The following GRID2 variants were observed in gnomAD, a reference collection of about 807,000 sequenced individuals.
GRID2 encodes the protein glutamate ionotropic receptor delta type subunit 2.
A neutral mutation model predicts 114.8 loss-of-function variants in GRID2; 33 were observed. The ratio of observed to expected loss-of-function variants is 0.29; its 90% CI spans 0.22 to 0.38. The LOEUF (loss-of-function observed/expected upper bound fraction) is 0.38, where lower values mean the gene tolerates loss of function less well. GRID2 is among the 10% of genes least tolerant of loss of function. The pLI is 1.00. For synonymous variants in GRID2, 505 were observed against 449.9 expected (o/e 1.12, Z -1.55); for missense variants, 1,184 against 1,257.7 (o/e 0.94, Z 0.89).
intron 14 of GRID2, among the ~76,000 whole-genome samples, chr4:93,728,001 T>C (rs1367510538): frequency 6.6e-6 from 1 of 152,198 alleles, no homozygotes; most frequent in African/African-American, 2.4e-5. Context: ...TCTGCTCTGA[T>C]CTTAGTTATT....
intron 2 of GRID2, among the ~76,000 whole-genome samples, chr4:93,069,835 A>T (rs1728656939): frequency 6.6e-6 from 1 of 152,136 alleles, no homozygotes; most frequent in African/African-American, 2.4e-5. Context: ...CTAAAAATCA[A>T]GATTCCTCAC....
chr4:93,220,240 A>T (rs1002102071), intron 6 of GRID2, among the ~76,000 whole-genome samples: 7 of 151,528 alleles, frequency 4.6e-5, no homozygotes, highest in African/African-American at 7.2e-5. Flanking sequence ...GCCTTTATTT[A>T]TATATATATA....
chr4:93,014,511 A>G (rs753062602), intron 2 of GRID2, among the ~76,000 whole-genome samples: 2 of 152,154 alleles, frequency 1.3e-5, no homozygotes, highest in South Asian at 4.1e-4. Context: ...CATAGAGACA[A>G]TCCAGGCCCC....
At chr4:93,659,298 C>T (rs570154132) in intron 14 of GRID2, among the ~76,000 whole-genome samples, 1 of 152,262 alleles carries the variant, frequency 6.6e-6, no homozygotes, top group Non-Finnish European at 1.5e-5. Context: ...AGGTCTCACA[C>T]TTATGGGTGC....
chr4:93,666,166 A>G (rs1360068211), intron 14 of GRID2, among the ~76,000 whole-genome samples: 1 of 152,062 alleles, frequency 6.6e-6, no homozygotes, highest in East Asian at 1.9e-4. Context: ...TTTATCTGCT[A>G]TGTCTTCATT....
At chr4:93,201,528 T>G (rs1742105116) in intron 4 of GRID2, among the ~76,000 whole-genome samples, 2 of 152,192 alleles carry the variant, frequency 1.3e-5, no homozygotes, top group Admixed American at 1.3e-4. Context: ...ACCTGATATC[T>G]TTGCTGCTAC....
chr4:93,042,293 C>CTATATA (rs1328403469), intron 2 of GRID2, among the ~76,000 whole-genome samples: 29 of 86,510 alleles, frequency 3.4e-4, no homozygotes, highest in Non-Finnish European at 9.5e-5. Context: ...CTCTCTCTCT[C>CTATATA]TCTCTCTATA....
intron 1 of GRID2, among the ~76,000 whole-genome samples, chr4:92,578,999 T>C (rs2149200575): frequency 1.3e-5 from 2 of 152,228 alleles, no homozygotes; most frequent in Middle Eastern, 6.8e-3. Context: ...AACTTGTTTC[T>C]TTTTTATTTA....
At chr4:92,661,632 C>G (rs947748974) in intron 2 of GRID2, among the ~76,000 whole-genome samples, 23 of 150,864 alleles carry the variant, frequency 1.5e-4, no homozygotes, top group Middle Eastern at 3.4e-3. Flanking sequence ...CAAATCATAC[C>G]TGATTGATTA....
chr4:92,616,185 A>G (rs1729996325), intron 2 of GRID2, among the ~76,000 whole-genome samples: 1 of 151,634 alleles, frequency 6.6e-6, no homozygotes, highest in African/African-American at 2.4e-5. Context: ...AGATTCTCTC[A>G]GTATTTTAAA....
At chr4:92,330,241 C>T (rs945515216) in intron 1 of GRID2, among the ~76,000 whole-genome samples, 1 of 152,076 alleles carries the variant, frequency 6.6e-6, no homozygotes, top group Non-Finnish European at 1.5e-5. Flanking sequence ...TTCTCACACC[C>T]TCCGTTTTTT....
At chr4:92,469,761 A>T in intron 1 of GRID2, among the ~76,000 whole-genome samples, 1 of 151,528 alleles carries the variant, frequency 6.6e-6, no homozygotes, top group African/African-American at 2.4e-5. Flanking sequence ...AAGTTTCATA[A>T]TTTTTTTTTC....
In GRID2 at chr4:93,165,640, T is replaced by C. The variant is rs867246810; in HGVS notation, c.736-41764T>C. Among the ~76,000 whole-genome samples, 5 of 152,262 alleles carry C rather than the reference T, an allele frequency of 3.3e-5. No homozygotes were observed. In the South Asian group the frequency reaches 8.3e-4, roughly 25 times the overall value. ...GGAGAAGGCATGAAGCATGATGTTT[T>C]AGTTTTGCGCTAACTCCTCTTTCTC... On this transcript the variant is annotated intron_variant, in intron 4 of 15. Coordinates refer to ENST00000282020, the MANE Select transcript of GRID2 (RefSeq NM_001510.4).
intron 8 of GRID2, among the ~76,000 whole-genome samples, chr4:93,313,429 G>C (rs1756237220): frequency 6.6e-6 from 1 of 152,172 alleles, no homozygotes; most frequent in Admixed American, 6.5e-5. Context: ...ATGACTAAGT[G>C]TGTCTTTTCT....
intron 1 of GRID2, among the ~76,000 whole-genome samples, chr4:92,328,338 C>T (rs1427711294): frequency 6.6e-6 from 1 of 151,914 alleles, no homozygotes; most frequent in Non-Finnish European, 1.5e-5. Flanking sequence ...ACTAAAGATA[C>T]CAGAGATTTA....
At chr4:92,677,588 G>T (rs1255372146) in intron 2 of GRID2, among the ~76,000 whole-genome samples, 3 of 151,964 alleles carry the variant, frequency 2.0e-5, no homozygotes, top group Non-Finnish European at 2.9e-5. Flanking sequence ...ACCACAAAAA[G>T]CTGCTCTTGC....
At chr4:93,396,165 C>A (rs1444229615) in intron 9 of GRID2, among the ~76,000 whole-genome samples, 1 of 151,974 alleles carries the variant, frequency 6.6e-6, no homozygotes, top group Non-Finnish European at 1.5e-5. Context: ...CTCGTAAGAA[C>A]CTACTTCAAA....
intron 13 of GRID2, among the ~76,000 whole-genome samples, chr4:93,572,809 G>A (rs1302062621): frequency 2.0e-5 from 3 of 152,052 alleles, no homozygotes; most frequent in Non-Finnish European, 4.4e-5. Context: ...TATGGAGAGA[G>A]GGGTTGCCAT....
intron 1 of GRID2, among the ~76,000 whole-genome samples, chr4:92,449,294 T>C (rs556248908): frequency 6.6e-6 from 1 of 152,224 alleles, no homozygotes; most frequent in South Asian, 2.1e-4. Context: ...TAACTTACAG[T>C]GCTGCCAGCA....
Sources: allele counts gnomAD v4.1 joint callset (sites outside exome capture counted in the v4.1 genomes callset), GRCh38; gene constraint gnomAD v4.1.1; transcripts MANE v1.5; gene names NCBI Gene and HGNC (gene_info 2026-07-23, HGNC 2026-07-21).